The following RORA variants were observed in gnomAD, a reference collection of about 807,000 sequenced individuals.
RORA encodes the protein nuclear receptor ROR-alpha.
A neutral mutation model predicts 69.5 loss-of-function variants in RORA; 7 were observed. The observed-to-expected ratio is 0.10, with a 90% CI of 0.06 to 0.19. RORA has a LOEUF of 0.19. Among genes scored for constraint, RORA ranks in the 10% least tolerant of loss-of-function variants. RORA has a pLI of 1.00. For missense variants in RORA, 457 were observed against 663.0 expected, an observed-to-expected ratio of 0.69 and a Z score of 3.41; for synonymous variants, 261 against 240.8, an observed-to-expected ratio of 1.08 and a Z score of -0.78.
intron 1 of RORA, among the ~76,000 whole-genome samples, chr15:61,197,720 C>G (rs1036728664): frequency 6.6e-6 from 1 of 152,168 alleles, no homozygotes; most frequent in Non-Finnish European, 1.5e-5. Flanking sequence ...CCTACCCAGA[C>G]GAACTCATTA....
At chr15:61,030,756 G>T (rs977751265) in intron 1 of RORA, among the ~76,000 whole-genome samples, 2 of 152,038 alleles carry the variant, frequency 1.3e-5, no homozygotes, top group African/African-American at 4.8e-5. Context: ...GATTTTTAAG[G>T]TTGCGTGTAT....
intron 2 of RORA, among the ~76,000 whole-genome samples, chr15:60,564,280 A>G (rs2067655317): frequency 1.3e-5 from 2 of 152,238 alleles, no homozygotes; most frequent in Non-Finnish European, 2.9e-5. Flanking sequence ...GTTGAAAGTT[A>G]AAAGTGATCA....
chr15:60,931,299 C>G (rs919355951), intron 1 of RORA, among the ~76,000 whole-genome samples: 1 of 152,176 alleles, frequency 6.6e-6, no homozygotes, highest in Non-Finnish European at 1.5e-5. Flanking sequence ...TGAAGGGCAG[C>G]CTACAGGCCT....
chr15:60,901,486 T>C (rs1891391625), intron 1 of RORA, among the ~76,000 whole-genome samples: 1 of 152,238 alleles, frequency 6.6e-6, no homozygotes, highest in African/African-American at 2.4e-5. Flanking sequence ...ATGATGTTCC[T>C]AATGGTTCTG....
chr15:60,685,972 G>A (rs1407862243), intron 1 of RORA, among the ~76,000 whole-genome samples: 1 of 152,048 alleles, frequency 6.6e-6, no homozygotes, highest in Non-Finnish European at 1.5e-5. Flanking sequence ...TACCAACCAA[G>A]GTGCTTTGGA....
chr15:61,139,926 G>A (rs2079282542), intron 1 of RORA, among the ~76,000 whole-genome samples: 1 of 152,162 alleles, frequency 6.6e-6, no homozygotes, highest in Non-Finnish European at 1.5e-5. Flanking sequence ...GGATTGAAAG[G>A]AATTGTTACC....
chr15:61,199,816 T>A (rs1352188210), intron 1 of RORA, among the ~76,000 whole-genome samples: 3 of 152,208 alleles, frequency 2.0e-5, no homozygotes, highest in Non-Finnish European at 4.4e-5. Flanking sequence ...GACAATGGCA[T>A]ATACCTGACT....
intron 1 of RORA, among the ~76,000 whole-genome samples, chr15:60,831,804 G>A (rs999640968): frequency 6.6e-6 from 1 of 152,212 alleles, no homozygotes; most frequent in African/African-American, 2.4e-5. Flanking sequence ...TTCTGAGGAT[G>A]TCAGAAGAAA....
intron 1 of RORA, among the ~76,000 whole-genome samples, chr15:61,222,456 G>A (rs752169068): frequency 7.2e-5 from 11 of 152,140 alleles, no homozygotes; most frequent in African/African-American, 9.7e-5. Flanking sequence ...GCAAAAAGCC[G>A]GCCTGACTAA....
chr15:60,829,122 C>A lies in RORA; in HGVS notation c.167-150436G>T, dbSNP rs114596365. On this transcript the variant is annotated intron_variant, in intron 1 of 10. Coordinates refer to ENST00000335670, the MANE Select transcript of RORA (RefSeq NM_134261.3). ...AACCTATCAGGGAGGAGATGCCTTT[C>A]TTCTGGCCCACTCTGGTTCAAGCCT... Among the ~76,000 whole-genome samples, 802 of 152,270 alleles carry A rather than the reference C, an allele frequency of 5.3e-3. 7 individuals carry two copies. The highest frequency in any genetic ancestry group is 0.019 in the African/African-American group (772 of 41,562).
rs1226821487 is a variant in RORA at position 60,769,562 on chromosome 15, A to G, written c.167-90876T>C. 2.0e-5 allele frequency among the ~76,000 whole-genome samples: 3 copies of G among 152,174 alleles called. No individual in the cohort carries two copies. The East Asian group carries it at 5.8e-4, about 29-fold the overall frequency. ...TAAACCATCCTTGAATGTTCTAGTC[A>G]CCAGGTAGCAGAAGCCTGCTTAGGT... is the stretch of plus-strand genomic sequence containing the variant. On this transcript the variant is annotated intron_variant, in intron 1 of 10. Transcript: ENST00000335670.
chr15:61,140,552 C>T (rs373250480), intron 1 of RORA, among the ~76,000 whole-genome samples: 3 of 152,142 alleles, frequency 2.0e-5, no homozygotes, highest in African/African-American at 4.8e-5. Flanking sequence ...AGGGAAGATA[C>T]GTTCCAATGG....
intron 1 of RORA, among the ~76,000 whole-genome samples, chr15:61,206,812 AC>A (rs2140932741): frequency 6.6e-6 from 1 of 152,312 alleles, no homozygotes; most frequent in South Asian, 2.1e-4. Context: ...TCTGATGTTT[AC>A]TAAACAATGG....
At chr15:60,823,339 G>C (rs1419205626) in intron 1 of RORA, among the ~76,000 whole-genome samples, 1 of 152,142 alleles carries the variant, frequency 6.6e-6, no homozygotes, top group Non-Finnish European at 1.5e-5. Flanking sequence ...ACAGGTGTAA[G>C]CCACCACAGG....
intron 1 of RORA, among the ~76,000 whole-genome samples, chr15:60,814,099 A>T (rs979487420): frequency 2.0e-5 from 3 of 152,202 alleles, no homozygotes; most frequent in African/African-American, 7.2e-5. Context: ...CAAAGGAACA[A>T]TGTCACATAA....
At chr15:60,802,308 C>T (rs1046419654) in intron 1 of RORA, among the ~76,000 whole-genome samples, 1 of 152,218 alleles carries the variant, frequency 6.6e-6, no homozygotes, top group Admixed American at 6.5e-5. Flanking sequence ...AGTGTTTGGG[C>T]TCCATTACAG....
chr15:61,030,386 T>G (rs1896097727), intron 1 of RORA, among the ~76,000 whole-genome samples: 1 of 152,188 alleles, frequency 6.6e-6, no homozygotes, highest in Non-Finnish European at 1.5e-5. Context: ...ATTCCAGGTA[T>G]TGGGGCATGA....
intron 1 of RORA, among the ~76,000 whole-genome samples, chr15:60,867,279 T>C (rs2073500378): frequency 6.6e-6 from 1 of 152,174 alleles, no homozygotes; most frequent in African/African-American, 2.4e-5. Flanking sequence ...AACTTCGAAA[T>C]TATAGCTGAT....
intron 1 of RORA, among the ~76,000 whole-genome samples, chr15:60,838,974 C>T (rs1203439728): frequency 1.3e-5 from 2 of 151,804 alleles, no homozygotes; most frequent in East Asian, 1.9e-4. Flanking sequence ...CTGCAAGCTC[C>T]GCCTCCTGGG....
Sources: gnomAD v4.1 joint callset for allele counts (sites outside exome capture counted in the v4.1 genomes callset) on GRCh38, gnomAD v4.1.1 for gene constraint, MANE v1.5 for transcripts, NCBI Gene and HGNC (gene_info 2026-07-23, HGNC 2026-07-21) for gene names.